Variants in SPINK9 observed in about 807,000 individuals in gnomAD.
SPINK9 encodes the protein serine protease inhibitor Kazal-type 9.
A neutral mutation model predicts 10.8 loss-of-function variants in SPINK9; 3 were observed. That is an observed-to-expected ratio of 0.28 (90% CI 0.13 to 0.72). The LOEUF is 0.72. SPINK9 is among the 30% of genes least tolerant of loss of function. The probability of loss-of-function intolerance (pLI) is 0.74; values close to 1 mark genes in which losing one functional copy is unlikely to be tolerated. For synonymous variants in SPINK9, 30 were observed against 31.2 expected (o/e 0.96, Z 0.12); for missense variants, 101 against 103.2 (o/e 0.98, Z 0.09).
At chr5:148,331,391 G>A (rs914834740), upstream of SPINK9, among the ~76,000 whole-genome samples, 8 of 152,150 alleles carry the variant, frequency 5.3e-5, no homozygotes, top group African/African-American at 1.4e-4. Context: ...TAAATACTAC[G>A]TGATCTCACT....
chr5:148,334,853 A>T (rs1038338729), upstream of SPINK9, among the ~76,000 whole-genome samples: 5 of 152,178 alleles, frequency 3.3e-5, no homozygotes, highest in Non-Finnish European at 7.3e-5. Context: ...AATGAAGATT[A>T]AAAAAAGCCA....
chr5:148,327,063 G>T (rs1193784578), intron 2 of SPINK9, among the ~76,000 whole-genome samples: 1 of 152,112 alleles, frequency 6.6e-6, no homozygotes, highest in African/African-American at 2.4e-5. Context: ...GGTATTTCTA[G>T]TTCTAGATCC....
chr5:148,324,647 C>T (rs1227590118), intron 2 of SPINK9, among the ~76,000 whole-genome samples: 1 of 151,898 alleles, frequency 6.6e-6, no homozygotes, highest in Non-Finnish European at 1.5e-5. Flanking sequence ...CAAGAAAGCA[C>T]TGTTTCAATG....
At chr5:148,325,443 GTCT>G (rs1757046634) in intron 2 of SPINK9, among the ~76,000 whole-genome samples, 1 of 151,976 alleles carries the variant, frequency 6.6e-6, no homozygotes, top group Non-Finnish European at 1.5e-5. Context: ...CACGTCACCT[GTCT>G]TTTTTATCTT....
intron 2 of SPINK9, among the ~76,000 whole-genome samples, chr5:148,330,357 G>C (rs1185655239): frequency 6.6e-6 from 1 of 152,084 alleles, no homozygotes; most frequent in African/African-American, 2.4e-5. Flanking sequence ...CCATTTGCTT[G>C]GTAGATCTTC....
intron 2 of SPINK9, among the ~76,000 whole-genome samples, chr5:148,328,971 C>G (rs929080293): frequency 1.6e-4 from 25 of 151,986 alleles, no homozygotes; most frequent in African/African-American, 5.3e-4. Flanking sequence ...TCTCTTTTTT[C>G]GTTGTGTCTC....
Position 148,329,031 on chromosome 5 carries a change from G to A in SPINK9, c.118+5163G>A, listed in dbSNP as rs1039277210. Among the ~76,000 whole-genome samples, 5 of 152,266 alleles carry A rather than the reference G, an allele frequency of 3.3e-5. No homozygotes were observed. The South Asian group carries it at 1.0e-3, about 32-fold the overall frequency. Reference sequence around the variant, plus strand: ...TGCTGGCCTCATAAAAATTAGTTAGGGAGGATTCCCTCATTTTCTATTGAT... The same window carrying A: ...TGCTGGCCTCATAAAAATTAGTTAGAGAGGATTCCCTCATTTTCTATTGAT... On this transcript the variant is annotated intron_variant, in intron 2 of 4. Transcript: ENST00000511717.
intron 2 of SPINK9, among the ~76,000 whole-genome samples, chr5:148,327,859 G>T (rs1757087273): frequency 6.6e-6 from 1 of 151,184 alleles, no homozygotes; most frequent in South Asian, 2.1e-4. Context: ...TGTCCCATTG[G>T]TCTATATCTT....
At chr5:148,324,794 A>G (rs990860147) in intron 2 of SPINK9, among the ~76,000 whole-genome samples, 1 of 151,916 alleles carries the variant, frequency 6.6e-6, no homozygotes, top group African/African-American at 2.4e-5. Context: ...AGAGAGAGAG[A>G]GTCAAAATTC....
At chr5:148,339,338 T>C (rs1757258445) in intron 3 of SPINK9, among the ~76,000 whole-genome samples, 2 of 152,052 alleles carry the variant, frequency 1.3e-5, no homozygotes. Context: ...GCATCTAACA[T>C]ATGTGGCATA....
chr5:148,337,970 C>T (rs1475688079), intron 2 of SPINK9, among the ~76,000 whole-genome samples: 1 of 152,082 alleles, frequency 6.6e-6, no homozygotes, highest in East Asian at 1.9e-4. Flanking sequence ...CATCTATGTG[C>T]TGGTGAAGTA....
At chr5:148,334,624 T>C (rs1232476966), upstream of SPINK9, among the ~76,000 whole-genome samples, 3 of 151,340 alleles carry the variant, frequency 2.0e-5, no homozygotes, top group Non-Finnish European at 4.4e-5. Flanking sequence ...GTCAGGAAAA[T>C]CCCTTGAACA....
At chr5:148,326,155 C>T (rs570953840) in intron 2 of SPINK9, among the ~76,000 whole-genome samples, 3 of 152,272 alleles carry the variant, frequency 2.0e-5, no homozygotes, top group Admixed American at 6.5e-5. Context: ...TGCTCAACAT[C>T]TCTAATTACT....
chr5:148,331,559 T>C (rs1267370663), upstream of SPINK9, among the ~76,000 whole-genome samples: 2 of 152,192 alleles, frequency 1.3e-5, no homozygotes, highest in African/African-American at 4.8e-5. Flanking sequence ...GGTGATCTAT[T>C]GCACAGCATG....
At position 148,335,625 on chromosome 5, in the gene SPINK9, A is replaced by C; in HGVS notation, c.12A>C (p.Thr4=). ...GCCACTTCAGTACTATGAGAGCAAC[A>C]GCCATAGTCCTACTCTTGGCTCTGA... MRA[T]AIVLLLALTL... The change falls in exon 1 of 4, where the codon ACA becomes ACC. Residue 4 remains threonine (T), a synonymous_variant. Coordinates refer to ENST00000377906, the MANE Select transcript of SPINK9 (RefSeq NM_001040433.2). 1 of 1,613,674 alleles carries C rather than the reference A, an allele frequency of 6.2e-7. No homozygotes were observed. The highest frequency in any genetic ancestry group is 8.5e-7 in the Non-Finnish European group (1 of 1,179,808).
intron 2 of SPINK9, among the ~76,000 whole-genome samples, chr5:148,325,849 T>C (rs77671538): frequency 0.02 from 3,086 of 152,300 alleles, 52 homozygotes; most frequent in Non-Finnish European, 0.033. Context: ...CTAAAAGTTA[T>C]TTCATTTTTA....
intron 2 of SPINK9, 65 bp downstream of exon 2, chr5:148,336,518 C>T (rs1757219939): frequency 1.4e-6 from 2 of 1,438,600 alleles, no homozygotes; most frequent in East Asian, 2.3e-5. Context: ...ATATTTGATA[C>T]TACACAGTAA....
chr5:148,328,557 G>C (rs1757102194), intron 2 of SPINK9, among the ~76,000 whole-genome samples: 1 of 152,326 alleles, frequency 6.6e-6, no homozygotes, highest in South Asian at 2.1e-4. Flanking sequence ...GGAGTGGTGA[G>C]AGAGGGCATC....
intron 3 of SPINK9, among the ~76,000 whole-genome samples, chr5:148,339,284 A>T (rs973136367): frequency 1.3e-5 from 2 of 152,140 alleles, no homozygotes; most frequent in African/African-American, 4.8e-5. Context: ...GGGTCATTTT[A>T]AATATTTTAA....
Sources: allele counts gnomAD v4.1 joint callset (sites outside exome capture counted in the v4.1 genomes callset), GRCh38; gene constraint gnomAD v4.1.1; transcripts MANE v1.5; gene names NCBI Gene and HGNC (gene_info 2026-07-23, HGNC 2026-07-21).